Variants in SLC14A2 observed in about 807,000 individuals in gnomAD.
SLC14A2 encodes the protein urea transporter 2.
SLC14A2 carries 91 observed loss-of-function variants against 104.6 expected under a neutral mutation model. That is an observed-to-expected ratio of 0.87 (90% CI 0.73 to 1.04). The LOEUF is 1.04. Ranked by LOEUF, SLC14A2 falls within the 50% of genes least tolerant of loss-of-function variation. SLC14A2 has a pLI of 0.00. For synonymous variants in SLC14A2, 476 were observed against 466.4 expected (o/e 1.02, Z -0.27); for missense variants, 1,189 against 1,156.0 (o/e 1.03, Z -0.41).
intron 1 of SLC14A2, among the ~76,000 whole-genome samples, chr18:45,387,444 C>G (rs991224662): frequency 7.9e-5 from 12 of 152,140 alleles, no homozygotes; most frequent in Non-Finnish European, 1.8e-4. Flanking sequence ...GTTACCACAC[C>G]CTGGAAAGCA....
At chr18:45,392,985 T>C (rs964111764) in intron 1 of SLC14A2, among the ~76,000 whole-genome samples, 3 of 152,248 alleles carry the variant, frequency 2.0e-5, no homozygotes, top group Admixed American at 2.0e-4. Flanking sequence ...TCTGTTAATA[T>C]GCTTTTAGAG....
At chr18:45,220,814 C>T (rs763986177) in intron 1 of SLC14A2, among the ~76,000 whole-genome samples, 27 of 152,258 alleles carry the variant, frequency 1.8e-4, no homozygotes, top group Admixed American at 3.9e-4. Context: ...TTGTGGTTCT[C>T]GAGGCTGGAA....
At chr18:45,471,137 G>A (rs1473450715) in intron 1 of SLC14A2, among the ~76,000 whole-genome samples, 2 of 152,116 alleles carry the variant, frequency 1.3e-5, no homozygotes, top group Non-Finnish European at 1.5e-5. Flanking sequence ...TGCATTATTA[G>A]GATGTGTGGT....
intron 1 of SLC14A2, among the ~76,000 whole-genome samples, chr18:45,218,570 A>T (rs1204226196): frequency 1.3e-5 from 2 of 152,234 alleles, no homozygotes; most frequent in East Asian, 1.9e-4. Flanking sequence ...GCCATGTGGT[A>T]CCCACCAGAA....
chr18:45,650,728 G>GT (rs1268204505), intron 10 of SLC14A2, among the ~76,000 whole-genome samples: 1 of 129,916 alleles, frequency 7.7e-6, no homozygotes, highest in African/African-American at 3.2e-5. Flanking sequence ...GGTGTTTTGG[G>GT]TTTTTTTGTC....
chr18:45,208,566 C>A (rs1420469679), upstream of SLC14A2, among the ~76,000 whole-genome samples: 1 of 152,168 alleles, frequency 6.6e-6, no homozygotes, highest in Non-Finnish European at 1.5e-5. Flanking sequence ...GCAGGGGACT[C>A]AGGAATGTGT....
At chr18:45,558,254 C>A (rs927064061) in intron 2 of SLC14A2, among the ~76,000 whole-genome samples, 1 of 152,170 alleles carries the variant, frequency 6.6e-6, no homozygotes, top group African/African-American at 2.4e-5. Context: ...TTATTGTAGA[C>A]CCCTAAGGAC....
intron 2 of SLC14A2, among the ~76,000 whole-genome samples, chr18:45,599,400 C>T (rs888920750): frequency 3.3e-5 from 5 of 152,210 alleles, no homozygotes; most frequent in African/African-American, 9.7e-5. Context: ...TTAGGTTCAG[C>T]GAGATGCCTG....
chr18:45,368,239 A>G (rs1598727564), intron 1 of SLC14A2, among the ~76,000 whole-genome samples: 1 of 152,296 alleles, frequency 6.6e-6, no homozygotes, highest in East Asian at 1.9e-4. Flanking sequence ...CCACACTTAC[A>G]GTTAATTTCC....
intron 1 of SLC14A2, among the ~76,000 whole-genome samples, chr18:45,403,776 A>ATGAATGAG (rs149547039): frequency 1.2e-4 from 19 of 152,128 alleles, no homozygotes; most frequent in South Asian, 8.3e-4. Context: ...GAATGAATGA[A>ATGAATGAG]TGAATGAATA....
At chr18:45,396,664 C>CT (rs1276522177) in intron 1 of SLC14A2, among the ~76,000 whole-genome samples, 22 of 129,822 alleles carry the variant, frequency 1.7e-4, no homozygotes, top group South Asian at 1.2e-3. Context: ...TTTTTTCCCT[C>CT]TTTTTTTTTA....
chr18:45,224,711 A>T (rs2084096799), intron 1 of SLC14A2, among the ~76,000 whole-genome samples: 1 of 152,192 alleles, frequency 6.6e-6, no homozygotes. Context: ...TATTTTGGAT[A>T]AGGAAAACAA....
chr18:45,310,922 C>T lies in SLC14A2; in HGVS notation c.-125+97731C>T, dbSNP rs73429914. On this transcript the variant is annotated intron_variant, in intron 1 of 20. Transcript: ENST00000586448. Reference sequence around the variant, plus strand: ...AGCACAGAGATGGCAGTGGAAATTCCCTTGGCACTCTTTGTTGGCCTAGAG... The same window carrying T: ...AGCACAGAGATGGCAGTGGAAATTCTCTTGGCACTCTTTGTTGGCCTAGAG... Among the ~76,000 whole-genome samples, 231 of 152,214 alleles carry T rather than the reference C, an allele frequency of 1.5e-3. 1 individual carries two copies. The highest frequency in any genetic ancestry group is 5.2e-3 in the African/African-American group (216 of 41,526).
intron 1 of SLC14A2, among the ~76,000 whole-genome samples, chr18:45,469,141 G>C (rs989415286): frequency 3.9e-4 from 60 of 152,306 alleles, no homozygotes; most frequent in African/African-American, 1.4e-3. Flanking sequence ...TTATGGTACA[G>C]GTCAGGATGG....
At chr18:45,675,685 C>CTATATATATA (rs35374996) in intron 18 of SLC14A2, among the ~76,000 whole-genome samples, 53 of 80,628 alleles carry the variant, frequency 6.6e-4, no homozygotes, top group East Asian at 2.4e-3. Flanking sequence ...CAGCTAATTT[C>CTATATATATA]TATATATATA....
chr18:45,475,657 ATAT>A (rs2087358321), intron 1 of SLC14A2, among the ~76,000 whole-genome samples: 1 of 64,366 alleles, frequency 1.6e-5, no homozygotes, highest in Admixed American at 1.3e-4. Flanking sequence ...ATATATATAT[ATAT>A]ATATATATAT....
upstream of SLC14A2, among the ~76,000 whole-genome samples, chr18:45,211,089 T>C (rs2083957480): frequency 6.6e-6 from 1 of 152,216 alleles, no homozygotes; most frequent in South Asian, 2.1e-4. Context: ...CTTACGGATC[T>C]GAAGCACCAG....
At chr18:45,408,757 G>A (rs2086183305) in intron 1 of SLC14A2, among the ~76,000 whole-genome samples, 1 of 152,108 alleles carries the variant, frequency 6.6e-6, no homozygotes, top group African/African-American at 2.4e-5. Context: ...TTGAAAGTGT[G>A]AGAAAAAGAG....
chr18:45,446,072 A>C (rs1004483687), intron 1 of SLC14A2, among the ~76,000 whole-genome samples: 5 of 152,242 alleles, frequency 3.3e-5, no homozygotes, highest in African/African-American at 1.2e-4. Context: ...TAAAGGATTA[A>C]TGATATTTAC....
Sources: gnomAD v4.1 joint callset for allele counts (sites outside exome capture counted in the v4.1 genomes callset) on GRCh38, gnomAD v4.1.1 for gene constraint, MANE v1.5 for transcripts, NCBI Gene and HGNC (gene_info 2026-07-23, HGNC 2026-07-21) for gene names.